Variants in CCDC28B observed in about 807,000 individuals in gnomAD.
CCDC28B encodes the protein coiled-coil domain containing 28B.
In CCDC28B, 17 loss-of-function variants were observed where a neutral mutation model predicts 18.7. That is an observed-to-expected ratio of 0.91 (90% CI 0.62 to 1.36). CCDC28B has a LOEUF of 1.36. Ranked by LOEUF, CCDC28B falls within the 40% of genes most tolerant of loss-of-function variation. The pLI is 0.00. For synonymous variants in CCDC28B, 116 were observed against 105.1 expected (o/e 1.10, Z -0.64); for missense variants, 213 against 251.7 (o/e 0.85, Z 1.04).
upstream of CCDC28B, chr1:32,197,480 AC>A (rs892359697): frequency 3.9e-5 from 6 of 152,246 alleles, no homozygotes; most frequent in Admixed American, 2.6e-4. The surrounding 1 kb of genome is among the most constrained non-coding windows in gnomAD (Gnocchi z 4.6). Flanking sequence ...GAGGTTCCCT[AC>A]CTTTTTCTTC....
At chr1:32,202,715 G>A in intron 2 of CCDC28B, 1 of 163,216 alleles carries the variant, frequency 6.1e-6, no homozygotes, top group Non-Finnish European at 1.3e-5. Flanking sequence ...AAGGCAGGAG[G>A]GCCAGGCTGG....
At chr1:32,201,799 T>G (rs376743266) in intron 1 of CCDC28B, 114 bp from the exon 2 acceptor site, 1 of 830,502 alleles carries the variant, frequency 1.2e-6, no homozygotes. Context: ...ACCGTATAGA[T>G]GAGGTGACAA....
chr1:32,204,036 C>A lies in CCDC28B; in HGVS notation c.322C>A (p.Gln108Lys). ...LLNDFHSGRL[Q>K]AFGKECSFEQ... ...CAATGATTTCCACTCTGGCCGGCTG[C>A]AGGCCTTCGGTGAGTCCTGGGGGCT... Residue 108 changes from glutamine to lysine, a missense_variant, in exon 3 of 6, where the codon CAG becomes AAG. Coordinates refer to ENST00000373602, the MANE Select transcript of CCDC28B (RefSeq NM_024296.5). 1.3e-6 allele frequency: 2 copies of A among 1,553,728 alleles called. No individual in the cohort carries two copies. The highest frequency in any genetic ancestry group is 1.7e-6 in the Non-Finnish European group (2 of 1,150,114).
At chr1:32,201,163 C>T (rs1185158318) in intron 1 of CCDC28B, among the ~76,000 whole-genome samples, 2 of 152,208 alleles carry the variant, frequency 1.3e-5, no homozygotes, top group Non-Finnish European at 2.9e-5. Flanking sequence ...TCGGAGCAGC[C>T]CAGCCACAGG....
chr1:32,196,251 A>G (rs1239150691), upstream of CCDC28B: 1 of 152,980 alleles, frequency 6.5e-6, no homozygotes, highest in African/African-American at 2.4e-5. Flanking sequence ...GGCCACCACC[A>G]GTTCCCATCA....
chr1:32,201,987 G>C lies in CCDC28B; in HGVS notation c.52G>C (p.Ala18Pro). The C allele has an allele frequency of 6.2e-7, 1 of 1,613,784 alleles. No homozygotes were observed. The highest frequency in any genetic ancestry group is 8.5e-7 in the Non-Finnish European group (1 of 1,179,852). The change falls in exon 2 of 6, where the codon GCC becomes CCC. Residue 18 changes from alanine (A) to proline (P), a missense_variant. By Grantham distance (27) the Ala-to-Pro change is conservative (BLOSUM62 -1). Transcript: ENST00000373602. ...RSPKPCLAQP[A>P]QAPGTLRRVP... is the part of the protein sequence containing the mutation. ...TCCCAAGCCCTGCCTGGCCCAGCCA[G>C]CCCAGGCCCCAGGCACACTACGGAG...
intron 5 of CCDC28B, chr1:32,204,952 T>C: frequency 7.2e-7 from 1 of 1,385,482 alleles, no homozygotes; most frequent in Non-Finnish European, 9.7e-7. Context: ...CCTCACCTGG[T>C]CCTCAGTCAG....
intron 1 of CCDC28B, 92 bp downstream of exon 1, chr1:32,200,801 G>A (rs1042802877): frequency 1.3e-5 from 2 of 152,232 alleles, no homozygotes; most frequent in Admixed American, 6.5e-5. Flanking sequence ...TGAGCGATGA[G>A]TTTGGCACAT....
rs1643154474 is a variant in CCDC28B at position 32,201,928 on chromosome 1, A to C, written c.-8A>C. ...TCCCTCCTAGGCCTGAGGCCCAGCC[A>C]GCGCCCAATGGATGACAAAAAGAAG... On this transcript the variant is annotated 5_prime_UTR_variant, in exon 2 of 6. Transcript: ENST00000373602. 2 of 1,592,162 alleles carry C rather than the reference A, an allele frequency of 1.3e-6. No individual in the cohort carries two copies. Among genetic ancestry groups the C allele is most frequent in the African/African-American group, 1.4e-5 (1 of 73,802 alleles).
intron 2 of CCDC28B, among the ~76,000 whole-genome samples, chr1:32,203,365 A>C (rs567039311): frequency 9.9e-5 from 15 of 152,094 alleles, no homozygotes; most frequent in African/African-American, 3.6e-4. Context: ...GGCTGAGGCA[A>C]GAGAATCACT....
At chr1:32,198,528 C>T (rs1044077419), upstream of CCDC28B, among the ~76,000 whole-genome samples, 2 of 152,224 alleles carry the variant, frequency 1.3e-5, no homozygotes, top group African/African-American at 4.8e-5. Context: ...GAGGATCACA[C>T]ACACACAAAA....
Position 32,203,967 on chromosome 1 carries a change from G to A in CCDC28B, c.253G>A (p.Val85Met). ...CCTGCAGCACTCCTTCCTGACCGAG[G>A]TGACTGATGTCTATGAGATGGAGGG... Reference protein sequence around the residue: ...TPLQHSFLTEVTDVYEMEGGL... With the variant: ...TPLQHSFLTEMTDVYEMEGGL... Residue 85 changes from valine to methionine, a missense_variant, in exon 3 of 6, where the codon GTG (valine) becomes ATG (methionine). Val to Met is a conservative substitution (Grantham distance 21). Coordinates refer to ENST00000373602, the MANE Select transcript of CCDC28B (RefSeq NM_024296.5). 2.5e-6 allele frequency: 4 copies of A among 1,581,064 alleles called. No individual in the cohort carries two copies. In the South Asian group the frequency reaches 3.5e-5, roughly 14 times the overall value.
Position 32,204,049 on chromosome 1 carries a change from A to C in CCDC28B, c.331+4A>C. The C allele has an allele frequency of 6.4e-7, 1 of 1,551,362 alleles. No individual in the cohort carries two copies. The highest frequency in any genetic ancestry group is 8.7e-7 in the Non-Finnish European group (1 of 1,148,094). ...TCTGGCCGGCTGCAGGCCTTCGGTGAGTCCTGGGGGCTGGTTTCAGCGGGT... is the reference window on the plus strand; with the variant it reads ...TCTGGCCGGCTGCAGGCCTTCGGTGCGTCCTGGGGGCTGGTTTCAGCGGGT... On this transcript the variant is annotated splice_donor_region_variant and intron_variant, in intron 3 of 5. Coordinates refer to ENST00000373602, the MANE Select transcript of CCDC28B (RefSeq NM_024296.5).
chr1:32,196,830 A>G (rs1225519734), upstream of CCDC28B: 1 of 152,238 alleles, frequency 6.6e-6, no homozygotes, highest in African/African-American at 2.4e-5. Flanking sequence ...AAGAATGTTA[A>G]GTACTGAATC....
At chr1:32,202,157 G>C in intron 2 of CCDC28B, 58 bp downstream of exon 2, 1 of 1,608,468 alleles carries the variant, frequency 6.2e-7, no homozygotes. Flanking sequence ...GCACTGTAGA[G>C]AGGAAGGCAA....
At chr1:32,204,067 C>A (rs751403021) in intron 3 of CCDC28B, 22 bp downstream of exon 3, 3 of 1,566,378 alleles carry the variant, frequency 1.9e-6, no homozygotes. Context: ...GGGCTGGTTT[C>A]AGCGGGTGTG....
intron 4 of CCDC28B, 41 bp from the exon 5 acceptor site, chr1:32,204,557 C>A: frequency 2.0e-6 from 3 of 1,535,224 alleles, no homozygotes; most frequent in Non-Finnish European, 2.6e-6. Context: ...TGGCCTGGTT[C>A]CCCTCCTAAC....
intron 1 of CCDC28B, among the ~76,000 whole-genome samples, chr1:32,201,496 C>A (rs1386491835): frequency 6.6e-6 from 1 of 152,152 alleles, no homozygotes; most frequent in Non-Finnish European, 1.5e-5. Flanking sequence ...TTGTTAGCAT[C>A]TGCTTAGGCC....
Position 32,205,159 on chromosome 1 carries a change from C to T in CCDC28B, c.549-35C>T, listed in dbSNP as rs372952407. The T allele has an allele frequency of 1.2e-6, 2 of 1,611,498 alleles. No homozygotes were observed. Among genetic ancestry groups the T allele is most frequent in the African/African-American group, 1.3e-5 (1 of 74,882 alleles). On this transcript the variant is annotated intron_variant, in intron 5 of 5. Coordinates refer to ENST00000373602, the MANE Select transcript of CCDC28B (RefSeq NM_024296.5). This position sits in a 1 kb window ranked among gnomAD's most constrained non-coding sequence, Gnocchi z 5.6. Reference sequence around the variant, plus strand: ...TGGGAGACCGGGGTGGGAGGAAGGACTGGTCCAAAGCGCCACGATCCTTGA... The same window carrying T: ...TGGGAGACCGGGGTGGGAGGAAGGATTGGTCCAAAGCGCCACGATCCTTGA...
Sources: allele counts gnomAD v4.1 joint callset (sites outside exome capture counted in the v4.1 genomes callset), GRCh38; gene constraint gnomAD v4.1.1; non-coding constraint Gnocchi (gnomAD v3.1); transcripts MANE v1.5; gene names NCBI Gene and HGNC (gene_info 2026-07-23, HGNC 2026-07-21).